The following PIP4K2A variants were observed in gnomAD, a reference collection of about 807,000 sequenced individuals.
The protein encoded by PIP4K2A is phosphatidylinositol-5-phosphate 4-kinase type 2 alpha, also known as phosphatidylinositol 5-phosphate 4-kinase type-2 alpha.
A neutral mutation model predicts 42.9 loss-of-function variants in PIP4K2A; 14 were observed. The ratio of observed to expected loss-of-function variants is 0.33; its 90% CI spans 0.22 to 0.51. The LOEUF is 0.51. Among genes scored for constraint, PIP4K2A ranks in the 20% least tolerant of loss-of-function variants. PIP4K2A has a pLI of 0.97. For synonymous variants in PIP4K2A, 192 were observed against 192.2 expected (o/e 1.00, Z 0.01); for missense variants, 434 against 519.8 (o/e 0.83, Z 1.61).
Position 22,541,783 on chromosome 10 carries a change from GT to G in PIP4K2A, c.1036+20del. ...TCAAACCACTTCACATGCAAAAAGG[GT>G]CCACAGTAATCAAACTTACTTTCAT... On this transcript the variant is annotated intron_variant, in intron 8 of 9. Coordinates refer to ENST00000376573, the MANE Select transcript of PIP4K2A (RefSeq NM_005028.5). The G allele has an allele frequency of 6.5e-7, 1 of 1,531,838 alleles. No individual in the cohort carries two copies. The highest frequency in any genetic ancestry group is 8.8e-7 in the Non-Finnish European group (1 of 1,140,614). 94.9% of individuals were successfully genotyped at this position (1,531,838 alleles called of 1,614,324 possible). A position where few individuals can be genotyped will look rare whatever the true frequency, so the allele number is the denominator to read the frequency against.
At chr10:22,633,056 C>T (rs1838582843) in intron 1 of PIP4K2A, among the ~76,000 whole-genome samples, 1 of 152,160 alleles carries the variant, frequency 6.6e-6, no homozygotes, top group Non-Finnish European at 1.5e-5. Flanking sequence ...ATGTAACCAC[C>T]TTAACCCTGT....
chr10:22,591,176 C>T (rs1206337454), intron 4 of PIP4K2A, among the ~76,000 whole-genome samples: 1 of 152,250 alleles, frequency 6.6e-6, no homozygotes, highest in Non-Finnish European at 1.5e-5. Flanking sequence ...AATCAGAGAG[C>T]TTGCTCCGTA....
chr10:22,577,405 G>A (rs1837149576), intron 4 of PIP4K2A, among the ~76,000 whole-genome samples: 1 of 152,120 alleles, frequency 6.6e-6, no homozygotes, highest in African/African-American at 2.4e-5. Context: ...CTCATAAATG[G>A]CTTGGTGCCA....
chr10:22,583,350 G>A (rs1837320395), intron 4 of PIP4K2A, among the ~76,000 whole-genome samples: 1 of 152,194 alleles, frequency 6.6e-6, no homozygotes, highest in Non-Finnish European at 1.5e-5. Context: ...AATGGCCCCT[G>A]TACCCCACAC....
chr10:22,570,385 A>G (rs1836956218), intron 5 of PIP4K2A, among the ~76,000 whole-genome samples: 1 of 152,258 alleles, frequency 6.6e-6, no homozygotes, highest in Non-Finnish European at 1.5e-5. Flanking sequence ...TGGGGAAGTC[A>G]GACAGAGTCC....
chr10:22,564,445 T>TG (rs1836788624), intron 6 of PIP4K2A, among the ~76,000 whole-genome samples: 1 of 152,182 alleles, frequency 6.6e-6, no homozygotes, highest in African/African-American at 2.4e-5. Flanking sequence ...CCCACCAACA[T>TG]GGGGCATCAT....
chr10:22,577,381 A>T (rs1837149055), intron 4 of PIP4K2A, among the ~76,000 whole-genome samples: 2 of 152,070 alleles, frequency 1.3e-5, no homozygotes. Flanking sequence ...TGACTGGGTC[A>T]TGGGGGTGGG....
rs145765108 is a variant in PIP4K2A at position 22,619,638 on chromosome 10, T to C, written c.145-9921A>G. ...TTTTAGTAGAGATGGGGTTTCACCA[T>C]GTTAGCCAGGCTGGTCTCGAACTCC... On this transcript the variant is annotated intron_variant, in intron 1 of 9. Coordinates refer to ENST00000376573, the MANE Select transcript of PIP4K2A (RefSeq NM_005028.5). Among the ~76,000 whole-genome samples, 32 of 152,162 alleles carry C rather than the reference T, an allele frequency of 2.1e-4. No homozygotes were observed. The East Asian group carries it at 6.0e-3, about 29-fold the overall frequency.
At chr10:22,669,464 A>G (rs1041220616) in intron 1 of PIP4K2A, among the ~76,000 whole-genome samples, 2 of 152,240 alleles carry the variant, frequency 1.3e-5, no homozygotes, top group African/African-American at 2.4e-5. Flanking sequence ...ATAAATGAAA[A>G]AAACAAAAAC....
At chr10:22,713,601 A>G (rs1295974100) in intron 1 of PIP4K2A, among the ~76,000 whole-genome samples, 1 of 152,222 alleles carries the variant, frequency 6.6e-6, no homozygotes, top group Non-Finnish European at 1.5e-5. Flanking sequence ...GTGCCCAGTA[A>G]TATTGCCTTT....
At chr10:22,613,636 C>A (rs915044772) in intron 1 of PIP4K2A, among the ~76,000 whole-genome samples, 7 of 152,146 alleles carry the variant, frequency 4.6e-5, no homozygotes, top group African/African-American at 1.7e-4. Flanking sequence ...AAAAAGGGGA[C>A]TGCAGAATGT....
At chr10:22,627,205 T>A in intron 1 of PIP4K2A, among the ~76,000 whole-genome samples, 1 of 152,224 alleles carries the variant, frequency 6.6e-6, no homozygotes, top group Non-Finnish European at 1.5e-5. Flanking sequence ...GAATCAAGCA[T>A]GCAATCTACC....
intron 1 of PIP4K2A, among the ~76,000 whole-genome samples, chr10:22,685,026 T>C (rs192242625): frequency 6.6e-6 from 1 of 152,302 alleles, no homozygotes; most frequent in East Asian, 1.9e-4. Context: ...CTGGTGACAC[T>C]CTTGTCATTT....
chr10:22,672,861 G>A (rs1204488803), intron 1 of PIP4K2A, among the ~76,000 whole-genome samples: 1 of 152,174 alleles, frequency 6.6e-6, no homozygotes. Flanking sequence ...GTGAGCAGCA[G>A]GTTAACATGT....
At chr10:22,601,102 C>T (rs1837754918) in intron 3 of PIP4K2A, among the ~76,000 whole-genome samples, 1 of 127,910 alleles carries the variant, frequency 7.8e-6, no homozygotes, top group African/African-American at 3.0e-5. Context: ...ACCAGGGACC[C>T]AGCCTGGGCA....
intron 1 of PIP4K2A, among the ~76,000 whole-genome samples, chr10:22,631,122 T>A (rs181581072): frequency 6.6e-6 from 1 of 152,312 alleles, no homozygotes; most frequent in Admixed American, 6.5e-5. Flanking sequence ...GTATTGATGG[T>A]CAATACAGAG....
rs186592824 is a variant in PIP4K2A at position 22,672,283 on chromosome 10, G to C, written c.144+41900C>G. ...CTGACAGCTCTGGGTCGGGGGGACAGTGTGGGGGGGGATTGTTGGAGGCGG... is the reference window on the plus strand; with the variant it reads ...CTGACAGCTCTGGGTCGGGGGGACACTGTGGGGGGGGATTGTTGGAGGCGG... On this transcript the variant is annotated intron_variant, in intron 1 of 9. Coordinates refer to ENST00000376573, the MANE Select transcript of PIP4K2A (RefSeq NM_005028.5). 2.9e-4 allele frequency among the ~76,000 whole-genome samples: 43 copies of C among 148,088 alleles called. 2 individuals are homozygous for C. The highest frequency in any genetic ancestry group is 2.7e-3 in the Admixed American group (40 of 14,818).
At chr10:22,613,799 G>T (rs1838108937) in intron 1 of PIP4K2A, among the ~76,000 whole-genome samples, 1 of 152,176 alleles carries the variant, frequency 6.6e-6, no homozygotes. Context: ...TGCAGGTGCA[G>T]AGACAGGATG....
At chr10:22,640,646 G>C (rs1335201079) in intron 1 of PIP4K2A, among the ~76,000 whole-genome samples, 1 of 152,066 alleles carries the variant, frequency 6.6e-6, no homozygotes, top group Non-Finnish European at 1.5e-5. Flanking sequence ...GACAATGATG[G>C]GCACATCCTA....
Sources: allele counts gnomAD v4.1 joint callset (sites outside exome capture counted in the v4.1 genomes callset), GRCh38; gene constraint gnomAD v4.1.1; transcripts MANE v1.5; gene names NCBI Gene and HGNC (gene_info 2026-07-23, HGNC 2026-07-21).